TENM2: variants seen among roughly 807,000 people sequenced by gnomAD.
The protein encoded by TENM2 is teneurin transmembrane protein 2, also known as teneurin-2.
A neutral mutation model predicts 245.2 loss-of-function variants in TENM2; 52 were observed. The ratio of observed to expected loss-of-function variants is 0.21; its 90% CI spans 0.17 to 0.27. The LOEUF is 0.27. TENM2 is among the 10% of genes least tolerant of loss of function. The pLI is 1.00. For synonymous variants in TENM2, 1,363 were observed against 1,438.9 expected (o/e 0.95, Z 1.19); for missense variants, 3,046 against 3,666.8 (o/e 0.83, Z 4.37).
the TENM2 span, among the ~76,000 whole-genome samples, chr5:167,276,295 A>G: frequency 2.0e-5 from 3 of 151,138 alleles, no homozygotes; most frequent in South Asian, 6.3e-4. Context: ...ACTGGTGTCA[A>G]TTCCTTTTTA....
chr5:167,034,858 T>G, the TENM2 span, among the ~76,000 whole-genome samples: 1 of 152,098 alleles, frequency 6.6e-6, no homozygotes, highest in African/African-American at 2.4e-5. Flanking sequence ...AGTACTCTTC[T>G]AAGATGCCGG....
At chr5:167,180,103 C>CTTTTTTTTTTTTTTT in the TENM2 span, among the ~76,000 whole-genome samples, 22 of 114,954 alleles carry the variant, frequency 1.9e-4, no homozygotes, top group African/African-American at 8.9e-4. Flanking sequence ...TAAGTGCTTC[C>CTTTTTTTTTTTTTTT]TTTTTTTTTT....
At position 168,230,968 on chromosome 5, in the gene TENM2, A is replaced by C. The variant is rs968082251; in HGVS notation, c.5520+2838A>C. The stretch of plus-strand genomic sequence containing the variant: ...ATGGGCGTAACACATCGCAGTCCAA[A>C]TGCATCGGGCGGCTCTTCTTAATGA... On this transcript the variant is annotated intron_variant, in intron 25 of 28. Coordinates refer to ENST00000518659, the Ensembl canonical transcript of TENM2. 7.9e-5 allele frequency: 12 copies of C among 152,360 alleles called. 1 individual carries two copies. Among genetic ancestry groups the C allele is most frequent in the African/African-American group, 2.4e-4 (10 of 41,582 alleles). 9.4% of individuals were successfully genotyped at this position (152,360 alleles called of 1,614,324 possible).
intron 2 of TENM2, among the ~76,000 whole-genome samples, chr5:167,847,493 A>G (rs1200099220): frequency 2.0e-5 from 3 of 152,092 alleles, no homozygotes; most frequent in African/African-American, 7.2e-5. Flanking sequence ...TCAAATGCCA[A>G]CCTCCTTGCA....
At chr5:167,232,957 G>T in the TENM2 span, among the ~76,000 whole-genome samples, 1 of 152,194 alleles carries the variant, frequency 6.6e-6, no homozygotes, top group Non-Finnish European at 1.5e-5. Flanking sequence ...ATGTGCTGGA[G>T]ATACAAAGTA....
At chr5:167,841,402 A>G (rs538054679) in intron 2 of TENM2, among the ~76,000 whole-genome samples, 1 of 152,320 alleles carries the variant, frequency 6.6e-6, no homozygotes, top group Admixed American at 6.5e-5. Flanking sequence ...TAATTTCAAA[A>G]TTACATAAAT....
chr5:167,497,834 C>T (rs1280143261), intron 2 of TENM2, among the ~76,000 whole-genome samples: 1 of 151,842 alleles, frequency 6.6e-6, no homozygotes, highest in Non-Finnish European at 1.5e-5. Flanking sequence ...GCCGGTTGTC[C>T]CCTCCGAGAA....
chr5:167,618,057 G>T (rs886994206), intron 2 of TENM2, among the ~76,000 whole-genome samples: 3 of 151,974 alleles, frequency 2.0e-5, no homozygotes, highest in African/African-American at 4.8e-5. Context: ...ACCTAATTTC[G>T]GAGGACTGTG....
chr5:167,239,613 G>T, the TENM2 span, among the ~76,000 whole-genome samples: 1 of 152,228 alleles, frequency 6.6e-6, no homozygotes, highest in Middle Eastern at 3.4e-3. Flanking sequence ...TCCCCCACTA[G>T]TAGTCTGTGG....
intron 2 of TENM2, among the ~76,000 whole-genome samples, chr5:167,692,133 T>G (rs1757474273): frequency 6.6e-6 from 1 of 152,140 alleles, no homozygotes; most frequent in South Asian, 2.1e-4. Flanking sequence ...CTATGTCTAC[T>G]TGCTTAGTGC....
intron 2 of TENM2, among the ~76,000 whole-genome samples, chr5:167,485,964 A>T (rs1768038835): frequency 1.3e-5 from 2 of 152,248 alleles, no homozygotes; most frequent in Admixed American, 1.3e-4. Context: ...CAAATTATAC[A>T]TACACACTTG....
At chr5:167,212,811 T>C in the TENM2 span, among the ~76,000 whole-genome samples, 1 of 152,170 alleles carries the variant, frequency 6.6e-6, no homozygotes, top group African/African-American at 2.4e-5. Flanking sequence ...AATTTTCTGA[T>C]GTTATCTGGG....
intron 25 of TENM2, among the ~76,000 whole-genome samples, chr5:168,236,780 A>AGAAT (rs956898141): frequency 1.3e-5 from 2 of 150,476 alleles, no homozygotes; most frequent in African/African-American, 4.9e-5. Flanking sequence ...ATTGAATGAA[A>AGAAT]GAATGAATGA....
At chr5:168,200,459 T>C (rs1761838467) in intron 17 of TENM2, among the ~76,000 whole-genome samples, 1 of 152,072 alleles carries the variant, frequency 6.6e-6, no homozygotes, top group African/African-American at 2.4e-5. Flanking sequence ...CAGAGACTAA[T>C]GACAAGAAGG....
At chr5:167,728,384 C>T (rs188434008) in intron 2 of TENM2, among the ~76,000 whole-genome samples, 118 of 152,150 alleles carry the variant, frequency 7.8e-4, no homozygotes, top group Middle Eastern at 3.4e-3. Context: ...GAGAGGATCC[C>T]TTGAGGCCAG....
the TENM2 span, among the ~76,000 whole-genome samples, chr5:166,996,352 A>G: frequency 6.6e-6 from 1 of 152,220 alleles, no homozygotes; most frequent in Non-Finnish European, 1.5e-5. Context: ...CAAAAACAAA[A>G]TAAAACCAAA....
intron 2 of TENM2, among the ~76,000 whole-genome samples, chr5:167,611,006 C>T (rs1238028183): frequency 1.3e-5 from 2 of 152,150 alleles, no homozygotes; most frequent in African/African-American, 4.8e-5. Flanking sequence ...TCTGTATCTC[C>T]TGCTGTTTTA....
intron 2 of TENM2, among the ~76,000 whole-genome samples, chr5:167,820,888 C>A (rs1767471630): frequency 6.6e-6 from 1 of 152,180 alleles, no homozygotes; most frequent in African/African-American, 2.4e-5. Flanking sequence ...CGCCACAGTT[C>A]TTTTGCAGGA....
chr5:167,155,630 T>C, the TENM2 span, among the ~76,000 whole-genome samples: 13 of 152,258 alleles, frequency 8.5e-5, no homozygotes, highest in South Asian at 2.5e-3. Context: ...AGCCGTGGCG[T>C]AGTGTTCCGC....
Sources: gnomAD v4.1 joint callset for allele counts (sites outside exome capture counted in the v4.1 genomes callset) on GRCh38, gnomAD v4.1.1 for gene constraint, MANE v1.5 for transcripts, NCBI Gene and HGNC (gene_info 2026-07-23, HGNC 2026-07-21) for gene names.